NRIP1: variants seen among roughly 807,000 people sequenced by gnomAD.
The protein encoded by NRIP1 is nuclear receptor-interacting protein 1.
In NRIP1, 28 loss-of-function variants were observed where a neutral mutation model predicts 75.0. The ratio of observed to expected loss-of-function variants is 0.37; its 90% CI spans 0.28 to 0.51. The LOEUF (loss-of-function observed/expected upper bound fraction) is 0.51. Among genes scored for constraint, NRIP1 ranks in the 20% least tolerant of loss-of-function variants. The pLI is 0.92. For synonymous variants in NRIP1, 526 were observed against 487.6 expected (o/e 1.08, Z -1.04); for missense variants, 1,435 against 1,343.7 (o/e 1.07, Z -1.06).
chr21:14,986,294 A>C (rs1403863895), intron 3 of NRIP1, among the ~76,000 whole-genome samples: 8 of 152,222 alleles, frequency 5.3e-5, no homozygotes, highest in African/African-American at 1.9e-4. Context: ...TTCCCTTTTA[A>C]ATAACTGAAA....
At chr21:15,020,672 A>C (rs960967037) in intron 2 of NRIP1, among the ~76,000 whole-genome samples, 5 of 152,214 alleles carry the variant, frequency 3.3e-5, no homozygotes, top group Non-Finnish European at 7.3e-5. Context: ...ACTATACAGC[A>C]TATATTAAAA....
At chr21:15,053,976 C>T (rs2089254915) in intron 1 of NRIP1, among the ~76,000 whole-genome samples, 1 of 152,092 alleles carries the variant, frequency 6.6e-6, no homozygotes, top group African/African-American at 2.4e-5. Context: ...ATAAATTTCT[C>T]GTCTAGAAAT....
chr21:15,023,564 AT>A (rs1377137114), intron 2 of NRIP1, among the ~76,000 whole-genome samples: 2 of 152,226 alleles, frequency 1.3e-5, no homozygotes, highest in East Asian at 1.9e-4. Context: ...CGAAACCTAA[AT>A]AATCCAAATA....
At chr21:15,054,526 A>G (rs2089267507) in intron 1 of NRIP1, among the ~76,000 whole-genome samples, 2 of 152,214 alleles carry the variant, frequency 1.3e-5, no homozygotes, top group African/African-American at 4.8e-5. Context: ...TTCCCTCATA[A>G]TTAGTATGCC....
At chr21:15,003,149 T>C (rs1470802510) in intron 3 of NRIP1, among the ~76,000 whole-genome samples, 1 of 152,208 alleles carries the variant, frequency 6.6e-6, no homozygotes, top group Non-Finnish European at 1.5e-5. Flanking sequence ...CAGAAGTTGT[T>C]AAATATTTTT....
At chr21:15,040,981 A>AT (rs2088939372) in intron 2 of NRIP1, among the ~76,000 whole-genome samples, 1 of 152,112 alleles carries the variant, frequency 6.6e-6, no homozygotes, top group Non-Finnish European at 1.5e-5. Context: ...CCCACCACCC[A>AT]GCAGTTCCAC....
At chr21:15,054,312 C>G (rs2089262620) in intron 1 of NRIP1, among the ~76,000 whole-genome samples, 1 of 152,166 alleles carries the variant, frequency 6.6e-6, no homozygotes. Context: ...GTCCCTTTGA[C>G]TACAGGAAGT....
At chr21:15,032,415 CTG>C (rs1264466602) in intron 2 of NRIP1, among the ~76,000 whole-genome samples, 1 of 151,878 alleles carries the variant, frequency 6.6e-6, no homozygotes, top group Non-Finnish European at 1.5e-5. Flanking sequence ...AACACAGTAT[CTG>C]TAATATACAG....
At chr21:15,057,716 A>G (rs1000567836) in intron 1 of NRIP1, among the ~76,000 whole-genome samples, 1 of 152,240 alleles carries the variant, frequency 6.6e-6, no homozygotes, top group Non-Finnish European at 1.5e-5. Flanking sequence ...CAAATTATCA[A>G]TGAAATTTGC....
At chr21:14,975,064 G>A (rs946327033) in intron 3 of NRIP1, among the ~76,000 whole-genome samples, 1 of 151,742 alleles carries the variant, frequency 6.6e-6, no homozygotes, top group Non-Finnish European at 1.5e-5. Flanking sequence ...AGTAAGCCAT[G>A]ATAGCACCTG....
chr21:15,052,122 A>G (rs768336393), intron 1 of NRIP1: 8 of 152,190 alleles, frequency 5.3e-5, no homozygotes, highest in Non-Finnish European at 1.2e-4. Flanking sequence ...AATACATTTG[A>G]AAGTAAAACC....
Position 15,064,824 on chromosome 21 carries a change from C to G in NRIP1, c.-617G>C, listed in dbSNP as rs1231981101. ...CGCCTGCCGCCCCGTCCTGGCCCGGCGCCCCGGCGAGCTCTTCCCTCCGAC... is the reference window on the plus strand; with the variant it reads ...CGCCTGCCGCCCCGTCCTGGCCCGGGGCCCCGGCGAGCTCTTCCCTCCGAC... On this transcript the variant is annotated 5_prime_UTR_variant, in exon 1 of 4. Coordinates refer to ENST00000318948, the MANE Select transcript of NRIP1 (RefSeq NM_003489.4). 1 of 148,330 alleles carries G rather than the reference C, an allele frequency of 6.7e-6. No homozygotes were observed. The highest frequency in any genetic ancestry group is 2.0e-4 in the East Asian group (1 of 5,108). The allele number at this position is 148,330 out of a possible 1,614,324, so 9.2% of individuals were successfully genotyped here.
intron 3 of NRIP1, among the ~76,000 whole-genome samples, chr21:15,006,468 C>T (rs534147572): frequency 2.0e-5 from 3 of 152,128 alleles, no homozygotes; most frequent in African/African-American, 7.2e-5. Context: ...TCTGGTGGAA[C>T]AAACAGCTGT....
chr21:15,034,540 T>C (rs2088788587), intron 2 of NRIP1, among the ~76,000 whole-genome samples: 1 of 152,220 alleles, frequency 6.6e-6, no homozygotes, highest in Admixed American at 6.5e-5. Flanking sequence ...ATGTACCACC[T>C]TGCTTTATAG....
Position 14,967,555 on chromosome 21 carries a change from T to C in NRIP1, c.638A>G (p.Asp213Gly). 2 of 1,614,166 alleles carry C rather than the reference T, an allele frequency of 1.2e-6. No individual in the cohort carries two copies. The highest frequency in any genetic ancestry group is 1.7e-6 in the Non-Finnish European group (2 of 1,180,028). Residue 213 changes from aspartate (D) to glycine (G), a missense_variant, in exon 4 of 4, where the codon GAT becomes GGT. Transcript: ENST00000318948. ...ATGATGAGGAGACTCTGCAAACCTA[T>C]CTCTGATGAGGTTTTTAGTCACATC... ...LPDVTKNLIR[D>G]RFAESPHHVG... is the part of the protein sequence containing the mutation.
rs2086671670 is a variant in NRIP1 at position 14,964,633 on chromosome 21, T to C, written c.*83A>G. On this transcript the variant is annotated 3_prime_UTR_variant, in exon 4 of 4. Coordinates refer to ENST00000318948, the MANE Select transcript of NRIP1 (RefSeq NM_003489.4). ...AGTTTCAATTATACCATGCTTTTTT[T>C]CAAATCATGCTCTTATTTATACAGA... 9.1e-7 allele frequency: 1 copy of C among 1,093,828 alleles called. No individual in the cohort carries two copies. The highest frequency in any genetic ancestry group is 2.0e-5 in the South Asian group (1 of 49,504). 67.8% of individuals were successfully genotyped at this position (1,093,828 alleles called of 1,614,324 possible). A position where few individuals can be genotyped will look rare whatever the true frequency, so the allele number is the denominator to read the frequency against.
intron 3 of NRIP1, among the ~76,000 whole-genome samples, chr21:14,986,605 T>G (rs1018297829): frequency 1.3e-5 from 2 of 152,324 alleles, no homozygotes; most frequent in East Asian, 3.9e-4. Context: ...ATGGGTAAGA[T>G]TTAGAAACCT....
chr21:15,021,663 C>G (rs1409875510), intron 2 of NRIP1, among the ~76,000 whole-genome samples: 1 of 152,058 alleles, frequency 6.6e-6, no homozygotes, highest in Non-Finnish European at 1.5e-5. Context: ...TGACAAAGGT[C>G]TCATATCCAG....
chr21:14,977,134 T>C (rs2087094655), intron 3 of NRIP1, among the ~76,000 whole-genome samples: 1 of 152,188 alleles, frequency 6.6e-6, no homozygotes. Flanking sequence ...TTATTATCTA[T>C]ATTCCACTGT....
Sources: allele counts gnomAD v4.1 joint callset (sites outside exome capture counted in the v4.1 genomes callset), GRCh38; gene constraint gnomAD v4.1.1; transcripts MANE v1.5; gene names NCBI Gene and HGNC (gene_info 2026-07-23, HGNC 2026-07-21).